Variants in ZBTB20 observed in about 807,000 individuals in gnomAD.
ZBTB20 encodes the protein zinc finger and BTB domain containing 20, also known as zinc finger and BTB domain-containing protein 20.
A neutral mutation model predicts 56.9 loss-of-function variants in ZBTB20; 9 were observed. The observed-to-expected ratio is 0.16, with a 90% confidence interval of 0.10 to 0.28. The LOEUF is 0.28. Among genes scored for constraint, ZBTB20 ranks in the 10% least tolerant of loss-of-function variants. The probability of loss-of-function intolerance (pLI) is 1.00; values close to 1 mark genes in which losing one functional copy is unlikely to be tolerated. For missense variants in ZBTB20, 655 were observed against 1,003.0 expected, an observed-to-expected ratio of 0.65 and a Z score of 4.69; for synonymous variants, 417 against 420.7, an observed-to-expected ratio of 0.99 and a Z score of 0.11.
At chr3:115,127,451 AC>A (rs1343908741) in intron 1 of ZBTB20, among the ~76,000 whole-genome samples, 2 of 152,206 alleles carry the variant, frequency 1.3e-5, no homozygotes, top group South Asian at 2.1e-4. Context: ...TTAGCCAGGC[AC>A]GATGGCATAC....
chr3:114,722,707 T>C (rs1199581345), intron 5 of ZBTB20, among the ~76,000 whole-genome samples: 2 of 152,164 alleles, frequency 1.3e-5, no homozygotes, highest in Non-Finnish European at 2.9e-5. Context: ...CACACTCTCT[T>C]CCATCCTTTT....
At chr3:114,544,970 GGTTATCATGAA>G (rs1377961938) in intron 6 of ZBTB20, among the ~76,000 whole-genome samples, 13 of 152,156 alleles carry the variant, frequency 8.5e-5, no homozygotes, top group Non-Finnish European at 1.9e-4. Flanking sequence ...TATTTCATGT[GGTTATCATGAA>G]GAAACTCTGT....
At chr3:114,613,727 C>G (rs2057722616) in intron 6 of ZBTB20, among the ~76,000 whole-genome samples, 1 of 152,090 alleles carries the variant, frequency 6.6e-6, no homozygotes, top group African/African-American at 2.4e-5. Flanking sequence ...ACAGCTAGGA[C>G]AAGCAAGGAT....
chr3:114,438,584 T>C (rs1345098492), intron 7 of ZBTB20, among the ~76,000 whole-genome samples: 1 of 152,134 alleles, frequency 6.6e-6, no homozygotes, highest in African/African-American at 2.4e-5. Flanking sequence ...ACAGAAATCT[T>C]CAAAGAGTTT....
chr3:114,838,450 G>A (rs1322951150), intron 4 of ZBTB20, among the ~76,000 whole-genome samples: 2 of 152,096 alleles, frequency 1.3e-5, no homozygotes, highest in Admixed American at 6.5e-5. Flanking sequence ...TGACATCTTC[G>A]AATGGACATA....
chr3:114,698,843 A>G (rs1383384762), intron 5 of ZBTB20, among the ~76,000 whole-genome samples: 1 of 152,164 alleles, frequency 6.6e-6, no homozygotes, highest in Non-Finnish European at 1.5e-5. Context: ...CCATGGTGGT[A>G]TGCACACAGT....
At chr3:114,886,089 A>G (rs549004641) in intron 4 of ZBTB20, among the ~76,000 whole-genome samples, 1 of 152,292 alleles carries the variant, frequency 6.6e-6, no homozygotes, top group South Asian at 2.1e-4. Context: ...CTACCCACTC[A>G]CCCTAATAGT....
intron 3 of ZBTB20, among the ~76,000 whole-genome samples, chr3:114,973,989 T>G (rs1041709197): frequency 4.0e-5 from 6 of 151,578 alleles, no homozygotes; most frequent in African/African-American, 1.5e-4. Flanking sequence ...AAATTGTTAC[T>G]GACATTCTGA....
rs557263630 is a variant in ZBTB20 at position 114,446,688 on chromosome 3, G to A, written c.-255+53664C>T. Reference sequence around the variant, plus strand: ...GACAAAAGCATGTATCTTCTGAGAAGCCGGCCTGATTGGTCCAGGTTGGCA... The same window carrying A: ...GACAAAAGCATGTATCTTCTGAGAAACCGGCCTGATTGGTCCAGGTTGGCA... On this transcript the variant is annotated intron_variant, in intron 7 of 11. Coordinates refer to ENST00000675478, the MANE Select transcript of ZBTB20 (RefSeq NM_001348800.3). Among the ~76,000 whole-genome samples, 7 of 152,250 alleles carry A rather than the reference G, an allele frequency of 4.6e-5. No homozygotes were observed. In the East Asian group the frequency reaches 1.4e-3, roughly 29 times the overall value.
At chr3:114,685,427 T>C (rs2062271043) in intron 6 of ZBTB20, among the ~76,000 whole-genome samples, 1 of 152,114 alleles carries the variant, frequency 6.6e-6, no homozygotes, top group Admixed American at 6.6e-5. Context: ...AGGACAACAA[T>C]CAGTGAGCAA....
At chr3:114,444,456 A>G (rs1051964482) in intron 7 of ZBTB20, among the ~76,000 whole-genome samples, 1 of 152,178 alleles carries the variant, frequency 6.6e-6, no homozygotes, top group Non-Finnish European at 1.5e-5. Flanking sequence ...ATAGAAATAG[A>G]AACCCTGAGG....
chr3:114,882,666 T>C (rs1269046285), intron 4 of ZBTB20, among the ~76,000 whole-genome samples: 1 of 151,978 alleles, frequency 6.6e-6, no homozygotes, highest in Admixed American at 6.5e-5. Context: ...ATATATAAAA[T>C]CTCTAAGACA....
intron 7 of ZBTB20, among the ~76,000 whole-genome samples, chr3:114,482,108 A>G (rs1337950115): frequency 6.6e-6 from 1 of 152,164 alleles, no homozygotes; most frequent in African/African-American, 2.4e-5. Context: ...TATGGACTTA[A>G]GATAACCTCA....
intron 3 of ZBTB20, among the ~76,000 whole-genome samples, chr3:114,924,679 T>C (rs183668263): frequency 5.7e-4 from 87 of 152,324 alleles, no homozygotes; most frequent in Non-Finnish European, 1.2e-3. Flanking sequence ...TTGATTGTGA[T>C]AATCACTGAG....
At chr3:114,467,470 G>T (rs1370112957) in intron 7 of ZBTB20, among the ~76,000 whole-genome samples, 2 of 152,144 alleles carry the variant, frequency 1.3e-5, no homozygotes, top group African/African-American at 4.8e-5. Context: ...AATGCTTCAA[G>T]AATTAGAGAT....
intron 7 of ZBTB20, among the ~76,000 whole-genome samples, chr3:114,399,645 A>C (rs1216773651): frequency 6.6e-6 from 1 of 152,110 alleles, no homozygotes; most frequent in Non-Finnish European, 1.5e-5. Flanking sequence ...TGAGAGTGAA[A>C]ATGAAGGGTG....
chr3:114,710,842 T>C (rs774482859), intron 5 of ZBTB20, among the ~76,000 whole-genome samples: 3 of 152,212 alleles, frequency 2.0e-5, no homozygotes, highest in Non-Finnish European at 4.4e-5. Flanking sequence ...TATAGCTTTC[T>C]GTCAGTCTTT....
At chr3:115,001,619 T>A (rs2079252073) in intron 2 of ZBTB20, among the ~76,000 whole-genome samples, 1 of 151,232 alleles carries the variant, frequency 6.6e-6, no homozygotes, top group Non-Finnish European at 1.5e-5. Flanking sequence ...TATTGAAATG[T>A]AAAATTGAAA....
chr3:114,765,813 CAAT>C (rs2068747299), intron 5 of ZBTB20, among the ~76,000 whole-genome samples: 1 of 152,016 alleles, frequency 6.6e-6, no homozygotes, highest in Non-Finnish European at 1.5e-5. Flanking sequence ...AATATCGAAA[CAAT>C]AAATGATTTC....
Sources: gnomAD v4.1 joint callset for allele counts (sites outside exome capture counted in the v4.1 genomes callset) on GRCh38, gnomAD v4.1.1 for gene constraint, MANE v1.5 for transcripts, NCBI Gene and HGNC (gene_info 2026-07-23, HGNC 2026-07-21) for gene names.